Variants in CDH13 observed in about 807,000 individuals in gnomAD.
CDH13 encodes the protein cadherin-13.
In CDH13, 24 loss-of-function variants were observed where a neutral mutation model predicts 63.8. The ratio of observed to expected loss-of-function variants is 0.38; its 90% CI spans 0.27 to 0.53. The LOEUF (loss-of-function observed/expected upper bound fraction) is 0.53, where lower values mean the gene tolerates loss of function less well. Among genes scored for constraint, CDH13 ranks in the 20% least tolerant of loss-of-function variants. The pLI is 0.85. For synonymous variants in CDH13, 503 were observed against 355.3 expected, an observed-to-expected ratio of 1.42 and a Z score of -4.67; for missense variants, 1,049 against 903.1, an observed-to-expected ratio of 1.16 and a Z score of -2.07.
intron 4 of CDH13, among the ~76,000 whole-genome samples, chr16:83,164,738 ATC>A (rs1491027048): frequency 1.5e-4 from 23 of 151,886 alleles, no homozygotes; most frequent in African/African-American, 5.3e-4. Context: ...GAAAAAAAAA[ATC>A]ATCGTTTTAC....
intron 1 of CDH13, among the ~76,000 whole-genome samples, chr16:82,661,013 G>A (rs1010591497): frequency 1.3e-5 from 2 of 152,160 alleles, no homozygotes; most frequent in Non-Finnish European, 2.9e-5. Context: ...CCCTCCTGGG[G>A]ACATGGCAGT....
At chr16:83,361,033 A>T (rs1018744839) in intron 6 of CDH13, among the ~76,000 whole-genome samples, 6 of 152,172 alleles carry the variant, frequency 3.9e-5, no homozygotes, top group Non-Finnish European at 8.8e-5. Flanking sequence ...ACAGTGCCTG[A>T]AGTAATTTAC....
rs190233815 is a variant in CDH13 at position 83,326,850 on chromosome 16, C to G, written c.637-18012C>G. Among the ~76,000 whole-genome samples, 550 of 152,290 alleles carry G rather than the reference C, an allele frequency of 3.6e-3. 4 individuals are homozygous for G. Among genetic ancestry groups the G allele is most frequent in the African/African-American group, 9.2e-3 (384 of 41,540 alleles). On this transcript the variant is annotated intron_variant, in intron 5 of 13. Transcript: ENST00000567109. ...CTGGTTGTCATGTGCCCTGTCTGTACTCCTAAGCCCAGAACCTATGCATCA... is the reference window on the plus strand; with the variant it reads ...CTGGTTGTCATGTGCCCTGTCTGTAGTCCTAAGCCCAGAACCTATGCATCA...
chr16:83,467,842 G>A (rs965807786), intron 6 of CDH13, among the ~76,000 whole-genome samples: 2 of 152,158 alleles, frequency 1.3e-5, no homozygotes, highest in Non-Finnish European at 2.9e-5. Flanking sequence ...CCTGGGGTCC[G>A]ATGTGCACAC....
rs150902049 is a variant in CDH13, at chr16:83,363,867, A to G, written c.781+18861A>G. 1.3e-3 allele frequency among the ~76,000 whole-genome samples: 204 copies of G among 152,288 alleles called. 1 individual carries two copies. Among genetic ancestry groups the G allele is most frequent in the African/African-American group, 4.6e-3 (192 of 41,568 alleles). On this transcript the variant is annotated intron_variant, in intron 6 of 13. Transcript: ENST00000567109. Reference sequence around the variant, plus strand: ...AGTAAAATGGCCCGAGAGCAAGACAATGAATATCAGAGAGGGTCACAGGAC... The same window carrying G: ...AGTAAAATGGCCCGAGAGCAAGACAGTGAATATCAGAGAGGGTCACAGGAC...
intron 2 of CDH13, among the ~76,000 whole-genome samples, chr16:82,995,664 A>G (rs1244342841): frequency 6.6e-6 from 1 of 152,126 alleles, no homozygotes; most frequent in African/African-American, 2.4e-5. Context: ...TGTATCGTAA[A>G]AACACACCAA....
At chr16:83,634,261 C>T (rs931473277) in intron 8 of CDH13, among the ~76,000 whole-genome samples, 2 of 150,832 alleles carry the variant, frequency 1.3e-5, no homozygotes, top group Non-Finnish European at 3.0e-5. Flanking sequence ...TGTCTTGCTA[C>T]TCCTTATTAG....
intron 2 of CDH13, chr16:82,859,229 C>G (rs749741099): frequency 2.0e-5 from 3 of 152,174 alleles, no homozygotes; most frequent in Non-Finnish European, 4.4e-5. Flanking sequence ...TGCTTAACAA[C>G]TGGAAATGAA....
intron 4 of CDH13, among the ~76,000 whole-genome samples, chr16:83,163,452 C>G (rs7187443): frequency 0.22 from 33,096 of 151,970 alleles, 4,994 homozygotes; most frequent in African/African-American, 0.43. Context: ...CTAACCTCCT[C>G]TTGTAGTGCT....
intron 7 of CDH13, among the ~76,000 whole-genome samples, chr16:83,532,655 T>C (rs974695222): frequency 6.6e-6 from 1 of 152,230 alleles, no homozygotes; most frequent in Non-Finnish European, 1.5e-5. Flanking sequence ...AGTTTCTTCC[T>C]CTGCAATCTC....
chr16:82,778,179 C>G (rs1455984505), intron 1 of CDH13, among the ~76,000 whole-genome samples: 1 of 152,114 alleles, frequency 6.6e-6, no homozygotes, highest in Non-Finnish European at 1.5e-5. Flanking sequence ...GGTCAAATTC[C>G]TTTTATTGGG....
intron 2 of CDH13, among the ~76,000 whole-genome samples, chr16:82,986,714 G>C (rs575109732): frequency 3.9e-5 from 6 of 152,122 alleles, no homozygotes; most frequent in Non-Finnish European, 8.8e-5. Context: ...ACATCCAATA[G>C]TACCTGCTGG....
At chr16:83,318,898 A>C (rs912530557) in intron 5 of CDH13, among the ~76,000 whole-genome samples, 4 of 152,142 alleles carry the variant, frequency 2.6e-5, no homozygotes, top group Non-Finnish European at 5.9e-5. Context: ...AGAGATAGGG[A>C]AGACCTTGTC....
intron 3 of CDH13, among the ~76,000 whole-genome samples, chr16:83,094,306 T>C (rs918865266): frequency 2.1e-4 from 32 of 152,092 alleles, no homozygotes; most frequent in Admixed American, 6.5e-5. Flanking sequence ...CCCATGGTGG[T>C]TGACAAGAGG....
chr16:83,165,481 G>C (rs2037625693), intron 4 of CDH13, among the ~76,000 whole-genome samples: 1 of 152,122 alleles, frequency 6.6e-6, no homozygotes, highest in African/African-American at 2.4e-5. Flanking sequence ...CTCAGCATTT[G>C]AGGGAGGGGA....
chr16:83,738,402 T>A (rs1911737858), intron 10 of CDH13, among the ~76,000 whole-genome samples: 1 of 152,256 alleles, frequency 6.6e-6, no homozygotes, highest in Non-Finnish European at 1.5e-5. Context: ...ATAGTGCTTA[T>A]CTCTGGAAGT....
intron 2 of CDH13, among the ~76,000 whole-genome samples, chr16:82,924,771 C>G (rs1015540266): frequency 6.6e-6 from 1 of 152,148 alleles, no homozygotes; most frequent in African/African-American, 2.4e-5. Flanking sequence ...TAAATAATGC[C>G]TGTGTGAAGT....
intron 2 of CDH13, among the ~76,000 whole-genome samples, chr16:82,939,984 G>A (rs2042783595): frequency 6.6e-6 from 1 of 152,082 alleles, no homozygotes; most frequent in East Asian, 1.9e-4. Flanking sequence ...TGTCTCATGT[G>A]GCAGCAGACA....
chr16:83,399,413 C>T (rs1214755304), intron 6 of CDH13, among the ~76,000 whole-genome samples: 1 of 152,150 alleles, frequency 6.6e-6, no homozygotes, highest in Non-Finnish European at 1.5e-5. Flanking sequence ...GAAAAATTTT[C>T]GTCCAAAGTG....
Sources: allele counts gnomAD v4.1 joint callset (sites outside exome capture counted in the v4.1 genomes callset), GRCh38; gene constraint gnomAD v4.1.1; transcripts MANE v1.5; gene names NCBI Gene and HGNC (gene_info 2026-07-23, HGNC 2026-07-21).